LPGAT1: variants seen among roughly 807,000 people sequenced by gnomAD.
The protein encoded by LPGAT1 is acyl-CoA:lysophosphatidylglycerol acyltransferase 1.
LPGAT1 carries 11 observed loss-of-function variants against 47.5 expected under a neutral mutation model. That is an observed-to-expected ratio of 0.23 (90% confidence interval 0.15 to 0.38). The LOEUF is 0.38. Among genes scored for constraint, LPGAT1 ranks in the 10% least tolerant of loss-of-function variants. The pLI, the probability that LPGAT1 is intolerant of heterozygous loss-of-function variation, is 1.00. For synonymous variants in LPGAT1, 138 were observed against 144.2 expected, an observed-to-expected ratio of 0.96 and a Z score of 0.31; for missense variants, 293 against 439.0, an observed-to-expected ratio of 0.67 and a Z score of 2.97.
At chr1:211,759,145 A>G (rs1657585639) in intron 6 of LPGAT1, among the ~76,000 whole-genome samples, 2 of 152,158 alleles carry the variant, frequency 1.3e-5, no homozygotes, top group South Asian at 4.1e-4. Context: ...TTCCTTTCTT[A>G]TAACATCTTT....
Position 211,830,470 on chromosome 1 carries a change from C to T in LPGAT1, c.-28+103G>A. The T allele has an allele frequency of 8.4e-7, 1 of 1,185,790 alleles. No individual in the cohort carries two copies. Among genetic ancestry groups the T allele is most frequent in the Admixed American group, 4.5e-5 (1 of 22,414 alleles). The allele number at this position is 1,185,790 out of a possible 1,614,324, so 73.5% of individuals were successfully genotyped here. On this transcript the variant is annotated intron_variant, in intron 1 of 7. Transcript: ENST00000366997. This position sits in a 1 kb window ranked among gnomAD's most constrained non-coding sequence, Gnocchi z 5.9. ...TCGTCCCTCAGGCCGCTGCCGCCTC[C>T]CCGGGCCACGCGACGACGACACCCC...
rs1571687080 is a variant in LPGAT1, at chr1:211,750,828, G to A, written c.961+133C>T. ...CCCCAGGGTAAGCTGATTCATGAGGGGATTTGCTTCTCACAGGCAATTTAC... is the reference window on the plus strand; with the variant it reads ...CCCCAGGGTAAGCTGATTCATGAGGAGATTTGCTTCTCACAGGCAATTTAC... On this transcript the variant is annotated intron_variant, in intron 7 of 7. Coordinates refer to ENST00000366997, the MANE Select transcript of LPGAT1 (RefSeq NM_014873.3). The A allele has an allele frequency of 9.5e-6, 6 of 630,352 alleles. No individual in the cohort carries two copies. The Middle Eastern group carries it at 2.2e-3, about 231-fold the overall frequency. 39.0% of individuals were successfully genotyped at this position (630,352 alleles called of 1,614,324 possible).
chr1:211,747,564 T>C lies in LPGAT1; in HGVS notation c.*2335A>G, dbSNP rs1656993473. On this transcript the variant is annotated 3_prime_UTR_variant, in exon 8 of 8. Transcript: ENST00000366997. ...ATGCATGTTCGCATTTATTTTTGGA[T>C]AGGAGAACTGGTCACTCTACCCTGT... The C allele has an allele frequency of 6.6e-6, 1 of 152,208 alleles. No individual in the cohort carries two copies. Among genetic ancestry groups the C allele is most frequent in the Non-Finnish European group, 1.5e-5 (1 of 68,028 alleles). The allele number at this position is 152,208 out of a possible 1,614,324, so 9.4% of individuals were successfully genotyped here. A position where few individuals can be genotyped will look rare whatever the true frequency, so the allele number is the denominator to read the frequency against.
chr1:211,814,470 C>T (rs955205322), intron 2 of LPGAT1, among the ~76,000 whole-genome samples: 1 of 152,164 alleles, frequency 6.6e-6, no homozygotes, highest in African/African-American at 2.4e-5. Flanking sequence ...GGAACAGGAC[C>T]AGATCCATGG....
At position 211,830,464 on chromosome 1, in the gene LPGAT1, C is replaced by A; in HGVS notation, c.-28+109G>T. On this transcript the variant is annotated intron_variant, in intron 1 of 7. Transcript: ENST00000366997. This position sits in a 1 kb window ranked among gnomAD's most constrained non-coding sequence, Gnocchi z 5.9. Reference sequence around the variant, plus strand: ...GCGCCCTCGTCCCTCAGGCCGCTGCCGCCTCCCCGGGCCACGCGACGACGA... The same window carrying A: ...GCGCCCTCGTCCCTCAGGCCGCTGCAGCCTCCCCGGGCCACGCGACGACGA... 5 of 1,183,102 alleles carry A rather than the reference C, an allele frequency of 4.2e-6. No homozygotes were observed. Among genetic ancestry groups the A allele is most frequent in the Non-Finnish European group, 5.2e-6 (5 of 954,464 alleles). 73.3% of individuals were successfully genotyped at this position (1,183,102 alleles called of 1,614,324 possible). A position where few individuals can be genotyped will look rare whatever the true frequency, so the allele number is the denominator to read the frequency against.
At chr1:211,799,916 T>C (rs759749950) in intron 2 of LPGAT1, among the ~76,000 whole-genome samples, 5 of 152,180 alleles carry the variant, frequency 3.3e-5, no homozygotes, top group South Asian at 4.1e-4. Context: ...AACCTAAGAC[T>C]ATCTTTCATT....
Position 211,830,401 on chromosome 1 carries a change from G to A in LPGAT1, c.-28+172C>T, listed in dbSNP as rs1660694524. 1 of 1,174,466 alleles carries A rather than the reference G, an allele frequency of 8.5e-7. No individual in the cohort carries two copies. The highest frequency in any genetic ancestry group is 1.1e-6 in the Non-Finnish European group (1 of 950,886). 72.8% of individuals were successfully genotyped at this position (1,174,466 alleles called of 1,614,324 possible). A position where few individuals can be genotyped will look rare whatever the true frequency, so the allele number is the denominator to read the frequency against. Reference sequence around the variant, plus strand: ...CCGGGCGGGTCCCGGGGAGGCGGGCGGATGCCCCGCGCCCCCGCCTCCTCC... The same window carrying A: ...CCGGGCGGGTCCCGGGGAGGCGGGCAGATGCCCCGCGCCCCCGCCTCCTCC... On this transcript the variant is annotated intron_variant, in intron 1 of 7. Transcript: ENST00000366997. This position sits in a 1 kb window ranked among gnomAD's most constrained non-coding sequence, Gnocchi z 5.9.
intron 6 of LPGAT1, among the ~76,000 whole-genome samples, chr1:211,762,311 G>A (rs576429008): frequency 1.3e-5 from 2 of 148,962 alleles, no homozygotes; most frequent in South Asian, 4.2e-4. Flanking sequence ...AAGAATGCTG[G>A]TGAAGTATCT....
chr1:211,792,020 C>T (rs1475839949), intron 3 of LPGAT1: 1 of 151,490 alleles, frequency 6.6e-6, no homozygotes, highest in African/African-American at 2.4e-5. Flanking sequence ...GATAATTCTC[C>T]TAAGGCTAAA....
intron 3 of LPGAT1, among the ~76,000 whole-genome samples, chr1:211,789,663 C>T (rs577363836): frequency 4.6e-5 from 7 of 152,124 alleles, no homozygotes; most frequent in African/African-American, 1.4e-4. Flanking sequence ...GGGCGGATCA[C>T]GAGGTCAAGA....
intron 2 of LPGAT1, among the ~76,000 whole-genome samples, chr1:211,804,246 C>T (rs1023101625): frequency 3.9e-5 from 6 of 152,050 alleles, no homozygotes; most frequent in African/African-American, 7.2e-5. Context: ...GACAGGGTCT[C>T]GCTTTGTTGC....
At chr1:211,801,768 G>GA (rs1278054888) in intron 2 of LPGAT1, among the ~76,000 whole-genome samples, 1 of 150,460 alleles carries the variant, frequency 6.6e-6, no homozygotes, top group Non-Finnish European at 1.5e-5. Context: ...GAAAAGAAGG[G>GA]AAAAGAAAAG....
chr1:211,794,945 G>A (rs561584117), intron 2 of LPGAT1, among the ~76,000 whole-genome samples: 2 of 152,202 alleles, frequency 1.3e-5, no homozygotes, highest in East Asian at 3.9e-4. Context: ...TGTACACAAG[G>A]CTACTCACTG....
rs904135833 is a variant in LPGAT1 at position 211,747,408 on chromosome 1, CTG to C, written c.*2489_*2490del. 6 of 152,194 alleles carry C rather than the reference CTG, an allele frequency of 3.9e-5. No individual in the cohort carries two copies. Among genetic ancestry groups the C allele is most frequent in the Non-Finnish European group, 2.9e-5 (2 of 68,026 alleles). The allele number at this position is 152,194 out of a possible 1,614,324, so 9.4% of individuals were successfully genotyped here. On this transcript the variant is annotated 3_prime_UTR_variant, in exon 8 of 8. Transcript: ENST00000366997. ...CTATTGGCATTTGTCACCCTGGAGA[CTG>C]TGAAAATGACACCGTACTTGAAAAG...
Position 211,743,992 on chromosome 1 carries a change from G to A in LPGAT1, c.*5907C>T, listed in dbSNP as rs151009534. The A allele has an allele frequency of 6.6e-6, 1 of 152,134 alleles. No individual in the cohort carries two copies. Among genetic ancestry groups the A allele is most frequent in the South Asian group, 2.1e-4 (1 of 4,818 alleles). 9.4% of individuals were successfully genotyped at this position (152,134 alleles called of 1,614,324 possible). A position where few individuals can be genotyped will look rare whatever the true frequency, so the allele number is the denominator to read the frequency against. ...CCTATACCACAGTTTACTTAGCTTT[G>A]AGAAATGAAAAGTATAAAGACAACT... On this transcript the variant is annotated 3_prime_UTR_variant, in exon 8 of 8. Transcript: ENST00000366997.
chr1:211,784,490 C>CAAAAAAAAAA (rs373021672), intron 4 of LPGAT1, among the ~76,000 whole-genome samples: 2 of 112,540 alleles, frequency 1.8e-5, no homozygotes, highest in Non-Finnish European at 1.8e-5. Flanking sequence ...GACCCTGTCT[C>CAAAAAAAAAA]AAAAAAAAAA....
intron 4 of LPGAT1, among the ~76,000 whole-genome samples, chr1:211,785,072 G>A (rs533886494): frequency 1.1e-3 from 172 of 152,168 alleles, no homozygotes; most frequent in Non-Finnish European, 2.0e-3. Flanking sequence ...CAAAGTGCTG[G>A]GATTACAGGC....
intron 2 of LPGAT1, among the ~76,000 whole-genome samples, chr1:211,828,527 T>C (rs1571776960): frequency 6.6e-6 from 1 of 152,196 alleles, no homozygotes; most frequent in East Asian, 1.9e-4. Context: ...CTCTCAGATT[T>C]ATGAGATAAA....
In LPGAT1 at chr1:211,787,662, A is replaced by T; in HGVS notation, c.423T>A (p.Ser141=). 1 of 1,608,336 alleles carries T rather than the reference A, an allele frequency of 6.2e-7. No individual in the cohort carries two copies. The highest frequency in any genetic ancestry group is 8.5e-7 in the Non-Finnish European group (1 of 1,176,174). The change falls in exon 4 of 8, where the codon TCT becomes TCA. Residue 141 remains serine, a synonymous_variant. Transcript: ENST00000366997. ...IFKYTNFGIV[S]LVHGDFFIRQ... is the part of the protein sequence containing the mutation. ...TTATAAAGAAGTCTCCATGAACTAG[A>T]GAAACAATTCCAAAGTTTGTGTACT...
Sources: allele counts gnomAD v4.1 joint callset (sites outside exome capture counted in the v4.1 genomes callset), GRCh38; gene constraint gnomAD v4.1.1; non-coding constraint Gnocchi (gnomAD v3.1); transcripts MANE v1.5; gene names NCBI Gene and HGNC (gene_info 2026-07-23, HGNC 2026-07-21).